The following STT3B variants were observed in gnomAD, a reference collection of about 807,000 sequenced individuals.
STT3B encodes STT3 oligosaccharyltransferase complex catalytic subunit B.
STT3B carries 29 observed loss-of-function variants against 96.8 expected under a neutral mutation model. That is an observed-to-expected ratio of 0.30 (90% CI 0.22 to 0.41). The LOEUF (loss-of-function observed/expected upper bound fraction) is 0.41, where lower values mean the gene tolerates loss of function less well. Ranked by LOEUF, STT3B falls within the 10% of genes least tolerant of loss-of-function variation. STT3B has a pLI of 1.00. For synonymous variants in STT3B, 367 were observed against 360.0 expected (o/e 1.02, Z -0.22); for missense variants, 640 against 1,022.3 (o/e 0.63, Z 5.10).
At chr3:31,570,251 CA>C (rs1698106086) in intron 1 of STT3B, among the ~76,000 whole-genome samples, 1 of 152,072 alleles carries the variant, frequency 6.6e-6, no homozygotes, top group Admixed American at 6.6e-5. Flanking sequence ...ATTAGCTAAG[CA>C]AGCATTAATT....
chr3:31,618,974 C>T lies in STT3B; in HGVS notation c.1173-702C>T, dbSNP rs973215777. ...TTGTGCAGTTATATTATAAAGTAGT[C>T]AATTAATTGACTACTTTAGAATCTC... On this transcript the variant is annotated intron_variant, in intron 8 of 15. Coordinates refer to ENST00000295770, the MANE Select transcript of STT3B (RefSeq NM_178862.3). 1.3e-5 allele frequency among the ~76,000 whole-genome samples: 2 copies of T among 151,608 alleles called. 1 individual carries two copies. The highest frequency in any genetic ancestry group is 4.2e-4 in the South Asian group (2 of 4,784).
At position 31,615,172 on chromosome 3, in the gene STT3B, A is replaced by G; in HGVS notation, c.945A>G (p.Pro315=). 1 of 1,611,176 alleles carries G rather than the reference A, an allele frequency of 6.2e-7. No individual in the cohort carries two copies. ...SMQIPFVGFQ[P]IRTSEHMAAA... The stretch of plus-strand genomic sequence containing the variant: ...AGATACCTTTTGTGGGATTCCAGCC[A>G]ATCAGAACAAGTGAACACATGGCAG... The change falls in exon 6 of 16, where the codon CCA becomes CCG. Residue 315 remains proline (P), a synonymous_variant. Coordinates refer to ENST00000295770, the MANE Select transcript of STT3B (RefSeq NM_178862.3).
At chr3:31,572,055 T>C (rs968789632) in intron 1 of STT3B, among the ~76,000 whole-genome samples, 3 of 137,722 alleles carry the variant, frequency 2.2e-5, no homozygotes, top group African/African-American at 8.5e-5. Flanking sequence ...TAATATATCA[T>C]ATATTAATAT....
In STT3B at chr3:31,535,336, A is replaced by AT. The variant is rs879872078; in HGVS notation, c.314+2037dup. ...TTATTTTTTATTTTTTATTTTTATT[A>AT]TTTTTTTTTTTTTAGTGTAGCTAAG... On this transcript the variant is annotated intron_variant, in intron 1 of 15. Coordinates refer to ENST00000295770, the MANE Select transcript of STT3B (RefSeq NM_178862.3). 6.5e-3 allele frequency among the ~76,000 whole-genome samples: 942 copies of AT among 143,898 alleles called. 10 individuals are homozygous for AT. Among genetic ancestry groups the AT allele is most frequent in the African/African-American group, 0.021 (817 of 38,818 alleles). 94.4% of individuals were successfully genotyped at this position (143,898 alleles called of 152,430 possible). A position where few individuals can be genotyped will look rare whatever the true frequency, so the allele number is the denominator to read the frequency against.
At chr3:31,615,798 T>C (rs913456224) in intron 6 of STT3B, among the ~76,000 whole-genome samples, 1 of 151,956 alleles carries the variant, frequency 6.6e-6, no homozygotes, top group African/African-American at 2.4e-5. Flanking sequence ...TAAAATGGAC[T>C]TTTAAAAACA....
intron 1 of STT3B, among the ~76,000 whole-genome samples, chr3:31,557,499 C>G (rs62234708): frequency 6.6e-6 from 1 of 152,130 alleles, no homozygotes; most frequent in Admixed American, 6.5e-5. Flanking sequence ...TATTTCCGAT[C>G]CATGGGCATG....
intron 4 of STT3B, among the ~76,000 whole-genome samples, chr3:31,597,263 A>G (rs1159013360): frequency 1.3e-5 from 2 of 151,808 alleles, no homozygotes; most frequent in African/African-American, 4.8e-5. Flanking sequence ...GGGTTCAAGC[A>G]ATTCTCCTGC....
chr3:31,604,098 AC>A (rs771985223), intron 5 of STT3B, among the ~76,000 whole-genome samples: 2 of 152,158 alleles, frequency 1.3e-5, no homozygotes, highest in African/African-American at 2.4e-5. Flanking sequence ...TGTCACTAGA[AC>A]AGCTTGTTTA....
intron 1 of STT3B, among the ~76,000 whole-genome samples, chr3:31,536,808 GT>G (rs1442442108): frequency 6.6e-6 from 1 of 152,184 alleles, no homozygotes; most frequent in Non-Finnish European, 1.5e-5. Context: ...CTTGCCAAAC[GT>G]TTGGTTAATC....
At chr3:31,566,914 A>C (rs757616807) in intron 1 of STT3B, among the ~76,000 whole-genome samples, 1 of 152,234 alleles carries the variant, frequency 6.6e-6, no homozygotes, top group Non-Finnish European at 1.5e-5. Flanking sequence ...TGGTTGCTCA[A>C]GGAGTTTTTT....
intron 1 of STT3B, among the ~76,000 whole-genome samples, chr3:31,571,647 A>G (rs10428190): frequency 0.018 from 2,688 of 152,202 alleles, 72 homozygotes; most frequent in African/African-American, 0.061. Flanking sequence ...AGCCAATCAT[A>G]TTCTTACTCA....
chr3:31,566,148 TCTTGTCTG>T (rs1697999396), intron 1 of STT3B, among the ~76,000 whole-genome samples: 2 of 152,214 alleles, frequency 1.3e-5, no homozygotes, highest in Admixed American at 1.3e-4. Flanking sequence ...GGTACCCCAC[TCTTGTCTG>T]GAATCCCTGA....
intron 1 of STT3B, among the ~76,000 whole-genome samples, chr3:31,553,673 C>G (rs1697626246): frequency 6.6e-6 from 1 of 152,076 alleles, no homozygotes; most frequent in South Asian, 2.1e-4. Context: ...CAAACCTCAT[C>G]TAATGAAACA....
At chr3:31,565,323 C>T (rs1440533307) in intron 1 of STT3B, among the ~76,000 whole-genome samples, 1 of 152,208 alleles carries the variant, frequency 6.6e-6, no homozygotes, top group African/African-American at 2.4e-5. Flanking sequence ...TTATATTTCT[C>T]ATTGGACAAT....
At chr3:31,581,512 T>A (rs1396071644) in intron 3 of STT3B, among the ~76,000 whole-genome samples, 1 of 152,240 alleles carries the variant, frequency 6.6e-6, no homozygotes, top group East Asian at 1.9e-4. Context: ...TTGCATTTTT[T>A]AATTTTGAGC....
chr3:31,619,683 A>G lies in STT3B; in HGVS notation c.1180A>G (p.Lys394Glu). The G allele has an allele frequency of 6.2e-7, 1 of 1,607,642 alleles. No homozygotes were observed. Among genetic ancestry groups the G allele is most frequent in the Non-Finnish European group, 8.5e-7 (1 of 1,178,260 alleles). Residue 394 changes from lysine to glutamate, a missense_variant, in exon 9 of 16, where the codon AAA (lysine) becomes GAA (glutamate). Lys to Glu is a moderately conservative substitution (Grantham distance 56). Coordinates refer to ENST00000295770, the MANE Select transcript of STT3B (RefSeq NM_178862.3). ...FYSLWDTGYAKIHIPIIASVS... is the reference protein window; with the variant it reads ...FYSLWDTGYAEIHIPIIASVS... The stretch of plus-strand genomic sequence containing the variant: ...TAACTTTTTTAATACCAGGTATGCA[A>G]AAATACACATTCCAATTATTGCATC...
At chr3:31,539,806 T>C (rs1167518570) in intron 1 of STT3B, among the ~76,000 whole-genome samples, 2 of 152,134 alleles carry the variant, frequency 1.3e-5, no homozygotes, top group African/African-American at 2.4e-5. Context: ...CTGAATATTG[T>C]TCTTATTTAG....
At chr3:31,555,207 A>G (rs555269686) in intron 1 of STT3B, among the ~76,000 whole-genome samples, 2 of 152,272 alleles carry the variant, frequency 1.3e-5, no homozygotes, top group African/African-American at 2.4e-5. Context: ...AGGAATGCCA[A>G]AATCTAAAAC....
intron 7 of STT3B, among the ~76,000 whole-genome samples, 163 bp downstream of exon 7, chr3:31,617,238 A>G (rs1474558811): frequency 7.4e-6 from 1 of 135,382 alleles, no homozygotes; most frequent in Non-Finnish European, 1.6e-5. Context: ...TCAAGCTCTG[A>G]TAAATCTACT....
Sources: allele counts gnomAD v4.1 joint callset (sites outside exome capture counted in the v4.1 genomes callset), GRCh38; gene constraint gnomAD v4.1.1; transcripts MANE v1.5; gene names NCBI Gene and HGNC (gene_info 2026-07-23, HGNC 2026-07-21).